Variants in JARID2 observed in about 807,000 individuals in gnomAD.
JARID2 encodes the protein jumonji and AT-rich interaction domain containing 2.
Under a neutral mutation model 125.6 loss-of-function variants are expected in JARID2, and 21 were observed. The observed-to-expected ratio is 0.17, with a 90% CI of 0.12 to 0.24. The LOEUF is 0.24. Among genes scored for constraint, JARID2 ranks in the 10% least tolerant of loss-of-function variants. JARID2 has a pLI of 1.00. For missense variants in JARID2, 1,303 were observed against 1,639.6 expected (o/e 0.79, Z 3.55); for synonymous variants, 736 against 661.6 (o/e 1.11, Z -1.73).
At position 15,293,156 on chromosome 6, in the gene JARID2, G is replaced by A. The variant is rs529032918; in HGVS notation, c.45+46572G>A. ...CAGTGCTTGACTTTGCCATGTTCCT[G>A]TGTGACGCTTATGCCAAGTTGCAGT... On this transcript the variant is annotated intron_variant, in intron 1 of 17. Transcript: ENST00000341776. Among the ~76,000 whole-genome samples, 337 of 152,320 alleles carry A rather than the reference G, an allele frequency of 2.2e-3. 1 individual carries two copies. Among genetic ancestry groups the A allele is most frequent in the Middle Eastern group, 0.01 (3 of 294 alleles).
chr6:15,442,592 T>A (rs1767493448), intron 3 of JARID2, among the ~76,000 whole-genome samples: 1 of 152,236 alleles, frequency 6.6e-6, no homozygotes, highest in Admixed American at 6.5e-5. Flanking sequence ...TGGAGTTGTA[T>A]CCCTCATAAC....
chr6:15,420,090 A>G (rs939493825), intron 3 of JARID2, among the ~76,000 whole-genome samples: 1 of 152,170 alleles, frequency 6.6e-6, no homozygotes, highest in African/African-American at 2.4e-5. Flanking sequence ...ACTATTGAAT[A>G]TATCTTTTAT....
chr6:15,315,983 A>G (rs758935667), intron 1 of JARID2, among the ~76,000 whole-genome samples: 5 of 152,218 alleles, frequency 3.3e-5, no homozygotes, highest in Middle Eastern at 3.4e-3. Context: ...CAAGATTAGA[A>G]AGAACACAGT....
intron 5 of JARID2, among the ~76,000 whole-genome samples, chr6:15,476,380 A>G (rs1769341613): frequency 6.6e-6 from 1 of 152,132 alleles, no homozygotes; most frequent in Non-Finnish European, 1.5e-5. Flanking sequence ...GCAGGAGAGG[A>G]CACACACACC....
rs1771842521 is a variant in JARID2, at chr6:15,521,380, T to C, written c.*1129T>C. 1 of 149,454 alleles carries C rather than the reference T, an allele frequency of 6.7e-6. No homozygotes were observed. Among genetic ancestry groups the C allele is most frequent in the Non-Finnish European group, 1.5e-5 (1 of 67,332 alleles). The allele number at this position is 149,454 out of a possible 1,614,324, so 9.3% of individuals were successfully genotyped here. ...CCCATCCCTTTTGTACATATGCCTG[T>C]AAATTGTTTTAAATACTTGAGCCTT... On this transcript the variant is annotated 3_prime_UTR_variant, in exon 18 of 18. Transcript: ENST00000341776.
chr6:15,265,606 G>C (rs1760053500), intron 1 of JARID2, among the ~76,000 whole-genome samples: 2 of 151,948 alleles, frequency 1.3e-5, no homozygotes, highest in Admixed American at 6.5e-5. Flanking sequence ...GCTACTTCTT[G>C]GCTGGCAGCC....
intron 2 of JARID2, among the ~76,000 whole-genome samples, chr6:15,401,371 T>C (rs954987078): frequency 1.3e-5 from 2 of 152,238 alleles, no homozygotes; most frequent in Non-Finnish European, 2.9e-5. Context: ...TGTATGACTT[T>C]AGACATTTCT....
intron 4 of JARID2, among the ~76,000 whole-genome samples, chr6:15,466,189 G>A (rs987921420): frequency 7.9e-5 from 12 of 152,168 alleles, no homozygotes; most frequent in Non-Finnish European, 1.3e-4. Flanking sequence ...AGGAAGGCTG[G>A]AGGGGTGATG....
Position 15,520,303 on chromosome 6 carries a change from T to C in JARID2, c.*52T>C. 3.6e-6 allele frequency: 5 copies of C among 1,389,968 alleles called. No homozygotes were observed. Among genetic ancestry groups the C allele is most frequent in the South Asian group, 1.6e-5 (1 of 63,732 alleles). The allele number at this position is 1,389,968 out of a possible 1,614,324, so 86.1% of individuals were successfully genotyped here. A position where few individuals can be genotyped will look rare whatever the true frequency, so the allele number is the denominator to read the frequency against. On this transcript the variant is annotated 3_prime_UTR_variant, in exon 18 of 18. Transcript: ENST00000341776. Reference sequence around the variant, plus strand: ...TATATATTTTTTTGTAATTATTATATTCTAGTTTGGAGTACTTGCTGTAGG... The same window carrying C: ...TATATATTTTTTTGTAATTATTATACTCTAGTTTGGAGTACTTGCTGTAGG...
At chr6:15,454,336 T>G (rs894859735) in intron 4 of JARID2, among the ~76,000 whole-genome samples, 10 of 152,222 alleles carry the variant, frequency 6.6e-5, no homozygotes, top group Admixed American at 6.5e-4. Context: ...TTGGTGATTC[T>G]TAACACATAA....
At chr6:15,394,186 G>T (rs1039775681) in intron 2 of JARID2, among the ~76,000 whole-genome samples, 6 of 152,106 alleles carry the variant, frequency 3.9e-5, no homozygotes, top group Non-Finnish European at 8.8e-5. Context: ...AGAGAATGTT[G>T]AATGTTAGGT....
At chr6:15,413,508 G>T (rs1765995641) in intron 3 of JARID2, among the ~76,000 whole-genome samples, 1 of 152,202 alleles carries the variant, frequency 6.6e-6, no homozygotes. Context: ...TTCAAAGATT[G>T]AGGGACTGCA....
At chr6:15,478,062 A>G (rs1221594842) in intron 5 of JARID2, among the ~76,000 whole-genome samples, 1 of 152,002 alleles carries the variant, frequency 6.6e-6, no homozygotes, top group African/African-American at 2.4e-5. Flanking sequence ...TAAAGTATTT[A>G]TTTGTTCCAC....
intron 5 of JARID2, among the ~76,000 whole-genome samples, chr6:15,482,809 C>G (rs984922597): frequency 1.3e-5 from 2 of 152,210 alleles, no homozygotes; most frequent in African/African-American, 4.8e-5. Context: ...CATACTGTTA[C>G]ATTAATATCC....
At chr6:15,424,705 C>T (rs1420705729) in intron 3 of JARID2, among the ~76,000 whole-genome samples, 1 of 152,064 alleles carries the variant, frequency 6.6e-6, no homozygotes, top group Non-Finnish European at 1.5e-5. Flanking sequence ...TAAAAAAATA[C>T]AAAATTAGCT....
chr6:15,501,514 T>C, intron 8 of JARID2, 105 bp downstream of exon 8: 2 of 1,157,216 alleles, frequency 1.7e-6, no homozygotes, highest in Non-Finnish European at 2.3e-6. Context: ...TCTGATTCCC[T>C]GGGGTGATGA....
chr6:15,353,023 C>T (rs1763482836), intron 1 of JARID2, among the ~76,000 whole-genome samples: 1 of 152,140 alleles, frequency 6.6e-6, no homozygotes, highest in African/African-American at 2.4e-5. Flanking sequence ...CATTTGTAAG[C>T]AAGTTTTGGT....
chr6:15,377,053 T>C (rs1421408402), intron 2 of JARID2, among the ~76,000 whole-genome samples: 1 of 152,222 alleles, frequency 6.6e-6, no homozygotes, highest in Non-Finnish European at 1.5e-5. Context: ...GTGGATACTT[T>C]ATAGTCAGCC....
At chr6:15,308,779 C>A (rs757440176) in intron 1 of JARID2, among the ~76,000 whole-genome samples, 3 of 152,182 alleles carry the variant, frequency 2.0e-5, no homozygotes, top group Non-Finnish European at 2.9e-5. Context: ...GCAGTTTGAT[C>A]CACCATGACT....
Sources: gnomAD v4.1 joint callset for allele counts (sites outside exome capture counted in the v4.1 genomes callset) on GRCh38, gnomAD v4.1.1 for gene constraint, MANE v1.5 for transcripts, NCBI Gene and HGNC (gene_info 2026-07-23, HGNC 2026-07-21) for gene names.